The following CACNA2D1 variants were observed in gnomAD, a reference collection of about 807,000 sequenced individuals.
The protein encoded by CACNA2D1 is voltage-dependent calcium channel subunit alpha-2/delta-1.
CACNA2D1 carries 53 observed loss-of-function variants against 171.5 expected under a neutral mutation model. That is an observed-to-expected ratio of 0.31 (90% confidence interval 0.25 to 0.39). The LOEUF (loss-of-function observed/expected upper bound fraction) is 0.39, where lower values mean the gene tolerates loss of function less well. CACNA2D1 is among the 10% of genes least tolerant of loss of function. The pLI, the probability that CACNA2D1 is intolerant of heterozygous loss-of-function variation, is 1.00. For missense variants in CACNA2D1, 903 were observed against 1,299.8 expected (o/e 0.69, Z 4.69); for synonymous variants, 442 against 443.1 (o/e 1.00, Z 0.03).
intron 12 of CACNA2D1, chr7:82,028,077 A>T (rs1301979818): frequency 6.6e-6 from 1 of 151,872 alleles, no homozygotes; most frequent in Non-Finnish European, 1.5e-5. Context: ...GGACTTTCAT[A>T]GCTAAAAAGG....
At chr7:82,068,291 C>T (rs756731222) in intron 7 of CACNA2D1, among the ~76,000 whole-genome samples, 14 of 152,144 alleles carry the variant, frequency 9.2e-5, no homozygotes, top group Admixed American at 2.6e-4. Flanking sequence ...GGAGAGCTTA[C>T]AAGGAAAGAC....
intron 6 of CACNA2D1, among the ~76,000 whole-genome samples, chr7:82,111,265 T>G (rs1788337993): frequency 7.2e-6 from 1 of 139,640 alleles, no homozygotes; most frequent in Non-Finnish European, 1.5e-5. Context: ...GATATATATA[T>G]ATACACACAC....
chr7:82,043,328 T>C (rs1203390693), intron 10 of CACNA2D1, among the ~76,000 whole-genome samples: 1 of 152,190 alleles, frequency 6.6e-6, no homozygotes, highest in Non-Finnish European at 1.5e-5. Context: ...AGATGTTAAA[T>C]GGCAACTCTA....
At chr7:81,998,646 T>C (rs2130809165) in intron 18 of CACNA2D1, among the ~76,000 whole-genome samples, 1 of 152,108 alleles carries the variant, frequency 6.6e-6, no homozygotes, top group African/African-American at 2.4e-5. Context: ...GGCACTTTAA[T>C]TGAAAAAAAT....
chr7:82,293,166 A>T (rs1489232671), intron 3 of CACNA2D1, among the ~76,000 whole-genome samples: 2 of 151,990 alleles, frequency 1.3e-5, no homozygotes, highest in East Asian at 3.9e-4. Flanking sequence ...TGGCCCTTTT[A>T]TATAGCACTC....
intron 38 of CACNA2D1, among the ~76,000 whole-genome samples, chr7:81,955,039 A>G (rs1793060610): frequency 6.6e-6 from 1 of 152,154 alleles, no homozygotes; most frequent in African/African-American, 2.4e-5. Flanking sequence ...AAAATAATAA[A>G]TTTCTCAATG....
chr7:82,404,437 C>T (rs964731977), intron 1 of CACNA2D1, among the ~76,000 whole-genome samples: 1 of 152,068 alleles, frequency 6.6e-6, no homozygotes, highest in East Asian at 1.9e-4. Context: ...TAATTGACAC[C>T]CCTGGTTCAA....
At chr7:82,364,868 T>C (rs1821502714) in intron 1 of CACNA2D1, among the ~76,000 whole-genome samples, 1 of 152,176 alleles carries the variant, frequency 6.6e-6, no homozygotes, top group African/African-American at 2.4e-5. Flanking sequence ...ATAGGATTAA[T>C]GCAAGAGACT....
chr7:82,274,122 C>A (rs572588040), intron 3 of CACNA2D1, among the ~76,000 whole-genome samples: 23 of 152,184 alleles, frequency 1.5e-4, no homozygotes, highest in African/African-American at 4.8e-4. Context: ...TCAAACAGCT[C>A]CCTCTGTCAC....
Position 82,424,057 on chromosome 7 carries a change from T to C in CACNA2D1, c.95+19308A>G, listed in dbSNP as rs1294933666. 2.0e-5 allele frequency among the ~76,000 whole-genome samples: 3 copies of C among 152,170 alleles called. No homozygotes were observed. The East Asian group carries it at 5.8e-4, about 29-fold the overall frequency. On this transcript the variant is annotated intron_variant, in intron 1 of 38. Transcript: ENST00000356860. ...TATACCTTTGCAATGGATATAAAAT[T>C]TACAAAATAAATAAATCAGCCCTAC...
chr7:82,286,690 C>A (rs968514301), intron 3 of CACNA2D1, among the ~76,000 whole-genome samples: 7 of 152,158 alleles, frequency 4.6e-5, no homozygotes, highest in Admixed American at 4.6e-4. Context: ...GTCTCAATAC[C>A]TCATCTGGTC....
intron 4 of CACNA2D1, among the ~76,000 whole-genome samples, chr7:82,163,723 C>G (rs558144671): frequency 1.3e-5 from 2 of 152,006 alleles, no homozygotes; most frequent in Admixed American, 1.3e-4. Flanking sequence ...AAAGACTTCA[C>G]ACTTTGGGAT....
At chr7:81,978,774 C>CTGTTCAAA (rs1796130800) in intron 24 of CACNA2D1, among the ~76,000 whole-genome samples, 1 of 113,816 alleles carries the variant, frequency 8.8e-6, no homozygotes, top group Non-Finnish European at 1.9e-5. Context: ...TATATATACA[C>CTGTTCAAA]ACACACACAC....
intron 12 of CACNA2D1, among the ~76,000 whole-genome samples, chr7:82,024,302 C>A (rs553368099): frequency 1.3e-5 from 2 of 151,802 alleles, no homozygotes; most frequent in South Asian, 4.1e-4. Flanking sequence ...TCTCCACATC[C>A]TCCCCAACAC....
chr7:82,404,740 T>A (rs560172241), intron 1 of CACNA2D1, among the ~76,000 whole-genome samples: 5 of 152,310 alleles, frequency 3.3e-5, no homozygotes, highest in African/African-American at 9.6e-5. Context: ...ATCATAAAAC[T>A]GTACCCTGTG....
At chr7:82,221,770 T>C (rs982889132) in intron 3 of CACNA2D1, among the ~76,000 whole-genome samples, 38 of 126,056 alleles carry the variant, frequency 3.0e-4, no homozygotes, top group Non-Finnish European at 4.0e-4. Context: ...CAGTTCACTG[T>C]TACCAAAAAA....
At chr7:82,435,128 C>T (rs571727303) in intron 1 of CACNA2D1, among the ~76,000 whole-genome samples, 11 of 151,326 alleles carry the variant, frequency 7.3e-5, no homozygotes, top group South Asian at 2.1e-4. Flanking sequence ...ATCCGCCTCC[C>T]GGGTTCAAGT....
chr7:81,984,120 A>G (rs1796715613), intron 22 of CACNA2D1, among the ~76,000 whole-genome samples: 1 of 152,216 alleles, frequency 6.6e-6, no homozygotes. Flanking sequence ...AAAGAAAGTT[A>G]ATTGCCAAAC....
intron 24 of CACNA2D1, among the ~76,000 whole-genome samples, chr7:81,979,613 T>C (rs1796239737): frequency 6.6e-6 from 1 of 152,152 alleles, no homozygotes; most frequent in Admixed American, 6.6e-5. Flanking sequence ...CTAAATTGTT[T>C]GCTATGTTAA....
Sources: gnomAD v4.1 joint callset for allele counts (sites outside exome capture counted in the v4.1 genomes callset) on GRCh38, gnomAD v4.1.1 for gene constraint, MANE v1.5 for transcripts, NCBI Gene and HGNC (gene_info 2026-07-23, HGNC 2026-07-21) for gene names.